Variants in CYP7B1 observed in about 807,000 individuals in gnomAD.
CYP7B1 encodes cytochrome P450 family 7 subfamily B member 1, also known as cytochrome P450 7B1.
A neutral mutation model predicts 42.7 loss-of-function variants in CYP7B1; 29 were observed. The observed-to-expected ratio is 0.68, with a 90% CI of 0.51 to 0.93. The LOEUF (loss-of-function observed/expected upper bound fraction) is 0.93, where lower values mean the gene tolerates loss of function less well. Among genes scored for constraint, CYP7B1 ranks in the 40% least tolerant of loss-of-function variants. The probability of loss-of-function intolerance (pLI) is 0.00; values close to 1 mark genes in which losing one functional copy is unlikely to be tolerated. For synonymous variants in CYP7B1, 235 were observed against 218.2 expected, an observed-to-expected ratio of 1.08 and a Z score of -0.68; for missense variants, 655 against 600.5, an observed-to-expected ratio of 1.09 and a Z score of -0.95.
chr8:64,696,050 C>G (rs1806823866), intron 1 of CYP7B1, among the ~76,000 whole-genome samples: 1 of 152,006 alleles, frequency 6.6e-6, no homozygotes, highest in African/African-American at 2.4e-5. Flanking sequence ...GTTTGTAATG[C>G]TAAATGTCCA....
chr8:64,604,409 A>G (rs1171523185), intron 5 of CYP7B1, among the ~76,000 whole-genome samples: 1 of 152,246 alleles, frequency 6.6e-6, no homozygotes, highest in Non-Finnish European at 1.5e-5. Context: ...AAAACGTAAT[A>G]GTGGCCAAGG....
intron 1 of CYP7B1, 99 bp downstream of exon 1, chr8:64,798,367 G>T: frequency 7.2e-7 from 1 of 1,397,260 alleles, no homozygotes; most frequent in Admixed American, 3.5e-5. Context: ...CTGACTGTCT[G>T]CACTGGAAAT....
chr8:64,788,280 A>C (rs966505425), intron 1 of CYP7B1, among the ~76,000 whole-genome samples: 1 of 152,212 alleles, frequency 6.6e-6, no homozygotes, highest in African/African-American at 2.4e-5. Context: ...GGGCAGCGAG[A>C]GGTAGGGGTG....
chr8:64,730,377 T>C (rs1807390999), intron 1 of CYP7B1, among the ~76,000 whole-genome samples: 1 of 152,096 alleles, frequency 6.6e-6, no homozygotes, highest in South Asian at 2.1e-4. Context: ...GTCATCTTTG[T>C]TGTCCAATTC....
intron 1 of CYP7B1, among the ~76,000 whole-genome samples, chr8:64,633,731 T>A (rs979259183): frequency 6.6e-6 from 1 of 152,174 alleles, no homozygotes; most frequent in African/African-American, 2.4e-5. Flanking sequence ...CCAATCAAAA[T>A]TCTAGTAAGA....
chr8:64,736,463 T>A (rs1807489342), intron 1 of CYP7B1, among the ~76,000 whole-genome samples: 2 of 152,218 alleles, frequency 1.3e-5, no homozygotes. Context: ...TTTATTTTAT[T>A]TTTTTGAGAC....
At chr8:64,712,040 A>G (rs756300832) in intron 1 of CYP7B1, among the ~76,000 whole-genome samples, 4 of 152,228 alleles carry the variant, frequency 2.6e-5, no homozygotes, top group Middle Eastern at 3.2e-3. Context: ...AGCAAAGAAC[A>G]GAGTGCCTAA....
chr8:64,598,760 G>C (rs557568618), intron 5 of CYP7B1, among the ~76,000 whole-genome samples: 6 of 152,170 alleles, frequency 3.9e-5, no homozygotes, highest in African/African-American at 1.4e-4. Flanking sequence ...TCTACTCAAC[G>C]AGCAACACCA....
chr8:64,596,684 A>G lies in CYP7B1; in HGVS notation c.1479T>C (p.Tyr493=). The G allele has an allele frequency of 6.2e-7, 1 of 1,613,476 alleles. No individual in the cohort carries two copies. The highest frequency in any genetic ancestry group is 2.2e-5 in the East Asian group (1 of 44,844). Residue 493 remains tyrosine (Y), a synonymous_variant, in exon 6 of 6, where the codon TAT becomes TAC. Coordinates refer to ENST00000310193, the MANE Select transcript of CYP7B1 (RefSeq NM_004820.5). Reference sequence around the variant, plus strand: ...ATCTAAATAAAACATCAGAATCTGGATACTGAATACCAAACAACAAGCGGC... The same window carrying G: ...ATCTAAATAAAACATCAGAATCTGGGTACTGAATACCAAACAACAAGCGGC... ...NYSRLLFGIQ[Y]PDSDVLFRYK... is the part of the protein sequence containing the mutation.
chr8:64,755,141 G>A (rs1050097028), intron 1 of CYP7B1, among the ~76,000 whole-genome samples: 1 of 152,124 alleles, frequency 6.6e-6, no homozygotes, highest in Non-Finnish European at 1.5e-5. Context: ...TTGCCTCACC[G>A]CAGGCTGACT....
At chr8:64,665,638 G>A (rs1056772080) in intron 1 of CYP7B1, among the ~76,000 whole-genome samples, 8 of 119,048 alleles carry the variant, frequency 6.7e-5, no homozygotes, top group Admixed American at 5.7e-4. Context: ...GTGCAATGGC[G>A]CAATCTCAGC....
intron 1 of CYP7B1, among the ~76,000 whole-genome samples, chr8:64,709,361 G>T (rs1283479063): frequency 6.6e-6 from 1 of 152,150 alleles, no homozygotes; most frequent in African/African-American, 2.4e-5. Context: ...TGTAGAGGGA[G>T]AAGAAAAGAG....
chr8:64,687,444 A>C (rs1347646751), intron 1 of CYP7B1, among the ~76,000 whole-genome samples: 1 of 152,170 alleles, frequency 6.6e-6, no homozygotes, highest in Non-Finnish European at 1.5e-5. Flanking sequence ...GTGGCTGCCA[A>C]CAGAGTTTTT....
At position 64,742,018 on chromosome 8, in the gene CYP7B1, A is replaced by C. The variant is rs74563848; in HGVS notation, c.122+56448T>G. Among the ~76,000 whole-genome samples the C allele has an allele frequency of 9.0e-3, 1,373 of 152,284 alleles. 20 individuals carry two copies. The highest frequency in any genetic ancestry group is 0.031 in the African/African-American group (1,306 of 41,556). ...AGGCTAGTTAGTATAAACTTCCTTA[A>C]CTTCTTATACTGATTTACTGATCAG... On this transcript the variant is annotated intron_variant, in intron 1 of 5. Coordinates refer to ENST00000310193, the MANE Select transcript of CYP7B1 (RefSeq NM_004820.5).
At chr8:64,604,989 CACCAAGAGGGA>C in intron 4 of CYP7B1, 132 bp from the exon 5 acceptor site, 1 of 1,095,898 alleles carries the variant, frequency 9.1e-7, no homozygotes. Context: ...ATACATTGAG[CACCAAGAGGGA>C]GCCAAGGGTG....
intron 4 of CYP7B1, among the ~76,000 whole-genome samples, chr8:64,612,052 T>C (rs1805371430): frequency 6.6e-6 from 1 of 152,172 alleles, no homozygotes; most frequent in Non-Finnish European, 1.5e-5. Context: ...TTATTTGCAA[T>C]TGATCTATCA....
chr8:64,611,154 C>T (rs1464014401), intron 4 of CYP7B1, among the ~76,000 whole-genome samples: 1 of 152,078 alleles, frequency 6.6e-6, no homozygotes, highest in Non-Finnish European at 1.5e-5. Flanking sequence ...CCTCTCCGCT[C>T]TCAGCTGGGA....
chr8:64,785,967 G>A (rs763863443), intron 1 of CYP7B1, among the ~76,000 whole-genome samples: 2 of 152,048 alleles, frequency 1.3e-5, no homozygotes, highest in African/African-American at 2.4e-5. Context: ...TGCCAGCAGG[G>A]GAAATGCCAG....
downstream of CYP7B1, among the ~76,000 whole-genome samples, chr8:64,587,246 AAGGGATTCGGGATCCGCATCCGG>A (rs769820949): frequency 8.9e-4 from 135 of 152,322 alleles, no homozygotes; most frequent in South Asian, 2.7e-3. Flanking sequence ...AGTGCTCCCG[AAGGGATTCGGGATCCGCATCCGG>A]AGGGATTCGG....
Sources: allele counts gnomAD v4.1 joint callset (sites outside exome capture counted in the v4.1 genomes callset), GRCh38; gene constraint gnomAD v4.1.1; transcripts MANE v1.5; gene names NCBI Gene and HGNC (gene_info 2026-07-23, HGNC 2026-07-21).